The following MAPK4 variants were observed in gnomAD, a reference collection of about 807,000 sequenced individuals.
MAPK4 encodes Erk3-related.
MAPK4 carries 22 observed loss-of-function variants against 47.7 expected under a neutral mutation model. That is an observed-to-expected ratio of 0.46 (90% confidence interval 0.33 to 0.66). MAPK4 has a LOEUF of 0.66. MAPK4 is among the 30% of genes least tolerant of loss of function. The pLI, the probability that MAPK4 is intolerant of heterozygous loss-of-function variation, is 0.02. For synonymous variants in MAPK4, 390 were observed against 365.7 expected (o/e 1.07, Z -0.76); for missense variants, 736 against 831.7 (o/e 0.88, Z 1.42).
intron 1 of MAPK4, among the ~76,000 whole-genome samples, chr18:50,605,733 C>A (rs2042577321): frequency 6.6e-6 from 1 of 152,180 alleles, no homozygotes; most frequent in South Asian, 2.1e-4. Flanking sequence ...GCCCAGCCTC[C>A]TTCCGGGGCA....
intron 1 of MAPK4, among the ~76,000 whole-genome samples, chr18:50,657,573 A>G (rs922025070): frequency 2.6e-5 from 4 of 152,144 alleles, no homozygotes; most frequent in African/African-American, 9.7e-5. Context: ...CGAGGCACCC[A>G]GCTCAAATGC....
At chr18:50,630,068 T>C (rs908378389) in intron 1 of MAPK4, among the ~76,000 whole-genome samples, 1 of 152,120 alleles carries the variant, frequency 6.6e-6, no homozygotes, top group Admixed American at 6.5e-5. Context: ...ACCTCCTGTG[T>C]TGGGAGATGG....
intron 1 of MAPK4, among the ~76,000 whole-genome samples, chr18:50,603,405 G>A (rs2042556705): frequency 6.6e-6 from 1 of 152,180 alleles, no homozygotes; most frequent in Admixed American, 6.5e-5. Flanking sequence ...ACAAAGAGGG[G>A]CTCTTGTCAT....
intron 1 of MAPK4, among the ~76,000 whole-genome samples, chr18:50,597,308 A>G (rs1361501482): frequency 1.3e-5 from 2 of 152,314 alleles, no homozygotes; most frequent in Non-Finnish European, 2.9e-5. Flanking sequence ...GCAGAGACAG[A>G]TCCAGAGATA....
In MAPK4 at chr18:50,628,422, A is replaced by G. The variant is rs17804405; in HGVS notation, c.-870-34667A>G. On this transcript the variant is annotated intron_variant, in intron 1 of 5. Transcript: ENST00000400384. ...CTTGAAATCCTTGCAGGGTCCTGGA[A>G]GTTTCCATGGGACTTGCTAGAATCA... Among the ~76,000 whole-genome samples the G allele has an allele frequency of 1.2e-3, 188 of 152,298 alleles. 1 individual carries two copies. Among genetic ancestry groups the G allele is most frequent in the Admixed American group, 0.011 (166 of 15,304 alleles).
At chr18:50,647,617 A>C (rs1043503266) in intron 1 of MAPK4, among the ~76,000 whole-genome samples, 33 of 151,432 alleles carry the variant, frequency 2.2e-4, no homozygotes, top group Non-Finnish European at 4.6e-4. Context: ...TCCCTTCTCC[A>C]CTCCCAGCTT....
intron 2 of MAPK4, among the ~76,000 whole-genome samples, chr18:50,697,506 G>C (rs894764): frequency 0.042 from 6,442 of 152,300 alleles, 253 homozygotes; most frequent in African/African-American, 0.11. Context: ...AGTGCTTTTA[G>C]TAATACTGCT....
chr18:50,559,742 C>T (rs917916707), upstream of MAPK4, among the ~76,000 whole-genome samples: 2 of 151,774 alleles, frequency 1.3e-5, no homozygotes, highest in African/African-American at 4.8e-5. Flanking sequence ...CCGAGGATCC[C>T]CCACCCACGG....
intron 1 of MAPK4, among the ~76,000 whole-genome samples, chr18:50,641,799 A>G (rs980118523): frequency 4.6e-5 from 7 of 152,216 alleles, no homozygotes; most frequent in African/African-American, 1.7e-4. Context: ...CATTGTCTTT[A>G]TAACTAAATA....
intron 2 of MAPK4, among the ~76,000 whole-genome samples, chr18:50,710,863 T>C (rs1403642653): frequency 6.6e-6 from 1 of 152,200 alleles, no homozygotes; most frequent in Non-Finnish European, 1.5e-5. Flanking sequence ...AGGCACATTA[T>C]CATTAAAGGG....
At chr18:50,603,713 G>A (rs944834850) in intron 1 of MAPK4, among the ~76,000 whole-genome samples, 14 of 152,160 alleles carry the variant, frequency 9.2e-5, no homozygotes, top group African/African-American at 3.1e-4. Flanking sequence ...CACTTGTTAA[G>A]TATTCATTAT....
chr18:50,721,561 T>C (rs2144469101), intron 3 of MAPK4, among the ~76,000 whole-genome samples: 1 of 152,346 alleles, frequency 6.6e-6, no homozygotes, highest in Admixed American at 6.5e-5. Context: ...AACTGTTTCC[T>C]TCCCCATCCT....
chr18:50,566,587 C>T (rs1420116986), intron 1 of MAPK4, among the ~76,000 whole-genome samples: 1 of 152,174 alleles, frequency 6.6e-6, no homozygotes, highest in South Asian at 2.1e-4. Flanking sequence ...ATTTCCAGGG[C>T]ACCTGATCCT....
chr18:50,680,160 C>T lies in MAPK4; in HGVS notation c.546+15656C>T, dbSNP rs147205772. Among the ~76,000 whole-genome samples, 390 of 138,174 alleles carry T rather than the reference C, an allele frequency of 2.8e-3. 11 individuals are homozygous for T. In the East Asian group the frequency reaches 0.037, roughly 13 times the overall value. The allele number at this position is 138,174 out of a possible 152,430, so 90.6% of individuals were successfully genotyped here. ...AGGCTGGAGTATGGTGGCGCAATCT[C>T]GGCTCACTGCAACCTCCACCTCCTG... On this transcript the variant is annotated intron_variant, in intron 2 of 5. Coordinates refer to ENST00000400384, the MANE Select transcript of MAPK4 (RefSeq NM_002747.4).
chr18:50,639,126 A>T (rs1207702185), intron 1 of MAPK4, among the ~76,000 whole-genome samples: 5 of 152,234 alleles, frequency 3.3e-5, no homozygotes, highest in Non-Finnish European at 4.4e-5. Flanking sequence ...TTGCTGTTTC[A>T]GAAACCTGGG....
At chr18:50,669,418 C>T (rs975729313) in intron 2 of MAPK4, 1 of 152,290 alleles carries the variant, frequency 6.6e-6, no homozygotes, top group African/African-American at 2.4e-5. Flanking sequence ...CAGCTTGACT[C>T]ACGGTGAGAG....
intron 2 of MAPK4, among the ~76,000 whole-genome samples, chr18:50,707,052 C>T (rs1482896245): frequency 1.3e-5 from 2 of 152,228 alleles, no homozygotes; most frequent in African/African-American, 2.4e-5. Context: ...AACTCCATTG[C>T]TCCCACTTTC....
chr18:50,725,938 C>T (rs1176318007), intron 4 of MAPK4, 24 bp from the exon 5 acceptor site: 2 of 1,600,622 alleles, frequency 1.2e-6, no homozygotes, highest in Non-Finnish European at 1.7e-6. Flanking sequence ...AAATGACCTT[C>T]ATGTCCGGCT....
upstream of MAPK4, among the ~76,000 whole-genome samples, chr18:50,559,862 G>C (rs1008474105): frequency 6.6e-6 from 1 of 151,448 alleles, no homozygotes; most frequent in Non-Finnish European, 1.5e-5. Context: ...GTCTCCGCGG[G>C]ACTGGGTCCG....
Sources: allele counts gnomAD v4.1 joint callset (sites outside exome capture counted in the v4.1 genomes callset), GRCh38; gene constraint gnomAD v4.1.1; transcripts MANE v1.5; gene names NCBI Gene and HGNC (gene_info 2026-07-23, HGNC 2026-07-21).